Variants in KIF3C observed in about 807,000 individuals in gnomAD.
KIF3C encodes the protein kinesin family member 3C.
Under a neutral mutation model 67.7 loss-of-function variants are expected in KIF3C, and 12 were observed. The observed-to-expected ratio is 0.18, with a 90% CI of 0.11 to 0.29. KIF3C has a LOEUF of 0.29. Among genes scored for constraint, KIF3C ranks in the 10% least tolerant of loss-of-function variants. The pLI is 1.00. For synonymous variants in KIF3C, 393 were observed against 426.2 expected (o/e 0.92, Z 0.96); for missense variants, 789 against 1,059.6 (o/e 0.74, Z 3.55).
At chr2:25,930,484 G>T (rs1003423979) in intron 5 of KIF3C, among the ~76,000 whole-genome samples, 2 of 151,972 alleles carry the variant, frequency 1.3e-5, no homozygotes, top group Admixed American at 6.6e-5. Flanking sequence ...TCAGCCTCCC[G>T]AGTAGCTGGG....
In KIF3C at chr2:25,982,335, CT is replaced by C. The variant is rs1664625600; in HGVS notation, c.-419del. ...TTCCTCTAGGGATCCATAGCGTGGGCTGCCGGTCGTGGGCGGCCGGGGGTCC... is the reference window on the plus strand; with the variant it reads ...TTCCTCTAGGGATCCATAGCGTGGGCGCCGGTCGTGGGCGGCCGGGGGTCC... On this transcript the variant is annotated 5_prime_UTR_variant, in exon 1 of 8. It introduces an in-frame stop codon into an upstream open reading frame of the 5' UTR. Transcript: ENST00000264712. 5.0e-6 allele frequency: 2 copies of C among 399,078 alleles called. No individual in the cohort carries two copies. Among genetic ancestry groups the C allele is most frequent in the Admixed American group, 8.8e-5 (2 of 22,746 alleles). The allele number at this position is 399,078 out of a possible 1,614,324, so 24.7% of individuals were successfully genotyped here. A position where few individuals can be genotyped will look rare whatever the true frequency, so the allele number is the denominator to read the frequency against.
chr2:25,964,433 T>C (rs1465524575), intron 1 of KIF3C, among the ~76,000 whole-genome samples: 1 of 152,208 alleles, frequency 6.6e-6, no homozygotes. Flanking sequence ...TTTCCCAACA[T>C]ACTCTATATT....
At chr2:25,930,531 CTTTAT>C (rs1170416210) in intron 5 of KIF3C, among the ~76,000 whole-genome samples, 9 of 151,668 alleles carry the variant, frequency 5.9e-5, no homozygotes, top group Non-Finnish European at 8.8e-5. Flanking sequence ...GCTAATTTTA[CTTTAT>C]TTTATTTTTT....
intron 1 of KIF3C, among the ~76,000 whole-genome samples, chr2:25,975,398 G>C (rs1253157516): frequency 6.6e-6 from 1 of 152,126 alleles, no homozygotes; most frequent in Non-Finnish European, 1.5e-5. Context: ...CTGGGCTCAA[G>C]GAATCCACCC....
intron 1 of KIF3C, among the ~76,000 whole-genome samples, chr2:25,977,238 G>A (rs1434579206): frequency 2.0e-5 from 3 of 152,150 alleles, no homozygotes; most frequent in Non-Finnish European, 2.9e-5. Context: ...AAAGAGAACA[G>A]GGAGCCTGGG....
At chr2:25,941,894 G>A (rs577121847) in intron 5 of KIF3C, among the ~76,000 whole-genome samples, 1 of 151,756 alleles carries the variant, frequency 6.6e-6, no homozygotes, top group South Asian at 2.1e-4. Context: ...TAAATTAACT[G>A]GGCCTCGTGG....
Position 25,981,818 on chromosome 2 carries a change from T to C in KIF3C, c.100A>G (p.Thr34Ala), listed in dbSNP as rs1228502775. 2.5e-6 allele frequency: 4 copies of C among 1,612,878 alleles called. No individual in the cohort carries two copies. The South Asian group carries it at 3.3e-5, about 13-fold the overall frequency. Residue 34 changes from threonine (T) to alanine (A), a missense_variant, in exon 1 of 8, where the codon ACC (threonine) becomes GCC (alanine). Physicochemically the swap from Thr to Ala is moderately conservative, Grantham distance 58. This residue lies in a region of KIF3C where 141 missense variants were observed against 251.8 expected (regional missense o/e 0.56). Transcript: ENST00000264712. This position sits in a 1 kb window ranked among gnomAD's most constrained non-coding sequence, Gnocchi z 8.2. ...ACCTGGCCCAGTTTCACGTCCATGG[T>C]CAGGATCTGCTCGTGACCAGCAGCC... ...EEAAGHEQIL[T>A]MDVKLGQVTL...
intron 5 of KIF3C, among the ~76,000 whole-genome samples, chr2:25,937,280 T>C (rs945192552): frequency 6.6e-6 from 1 of 152,234 alleles, no homozygotes; most frequent in Non-Finnish European, 1.5e-5. Context: ...CACAGAACAA[T>C]GGCTGCCTTC....
At chr2:25,942,427 TGA>T (rs1394714379) in intron 5 of KIF3C, among the ~76,000 whole-genome samples, 1 of 152,082 alleles carries the variant, frequency 6.6e-6, no homozygotes, top group East Asian at 1.9e-4. Context: ...TTTTTTTTTT[TGA>T]GATGGAGTTT....
chr2:25,941,897 C>T (rs1335953868), intron 5 of KIF3C, among the ~76,000 whole-genome samples: 3 of 151,866 alleles, frequency 2.0e-5, no homozygotes, highest in African/African-American at 7.3e-5. Flanking sequence ...ATTAACTGGG[C>T]CTCGTGGCAT....
chr2:25,938,650 T>C (rs1663205188), intron 5 of KIF3C, among the ~76,000 whole-genome samples: 1 of 152,090 alleles, frequency 6.6e-6, no homozygotes, highest in African/African-American at 2.4e-5. Flanking sequence ...AGTCTGTAAT[T>C]GGGGCACCGA....
chr2:25,946,993 A>C (rs1663458995), intron 5 of KIF3C, among the ~76,000 whole-genome samples: 1 of 151,762 alleles, frequency 6.6e-6, no homozygotes, highest in East Asian at 1.9e-4. Flanking sequence ...CTCTACTAAA[A>C]ATACAAAAAA....
chr2:25,979,265 G>A (rs987117075), intron 1 of KIF3C, among the ~76,000 whole-genome samples: 5 of 152,094 alleles, frequency 3.3e-5, no homozygotes, highest in Non-Finnish European at 7.3e-5. Flanking sequence ...GACAGGGAGG[G>A]GCCTCTGTAG....
At chr2:25,944,925 G>A (rs1272012893) in intron 5 of KIF3C, among the ~76,000 whole-genome samples, 1 of 152,082 alleles carries the variant, frequency 6.6e-6, no homozygotes. Flanking sequence ...GAGGTCAGGA[G>A]TTCAAGATCA....
chr2:25,951,601 C>T, intron 5 of KIF3C, 188 bp downstream of exon 5: 1 of 542,892 alleles, frequency 1.8e-6, no homozygotes, highest in South Asian at 2.2e-5. Flanking sequence ...TCCCAGAACA[C>T]CCTTCCATCA....
intron 1 of KIF3C, among the ~76,000 whole-genome samples, chr2:25,963,674 TTA>T (rs750855161): frequency 3.5e-5 from 5 of 143,188 alleles, no homozygotes; most frequent in African/African-American, 1.3e-4. Flanking sequence ...AGTATTATTA[TTA>T]TTATTATTAT....
At position 25,955,920 on chromosome 2, in the gene KIF3C, G is replaced by A. The variant is rs1014607572; in HGVS notation, c.1648-257C>T. Reference sequence around the variant, plus strand: ...CTAAGAGCTGGCCTACTCCAGAGGCGTTAGTCACACAGATGGAGGCACATC... The same window carrying A: ...CTAAGAGCTGGCCTACTCCAGAGGCATTAGTCACACAGATGGAGGCACATC... On this transcript the variant is annotated intron_variant, in intron 2 of 7. Transcript: ENST00000264712. The surrounding 1 kb of genome is among the most constrained non-coding windows in gnomAD (Gnocchi z 5.0). Among the ~76,000 whole-genome samples the A allele has an allele frequency of 5.9e-5, 9 of 152,150 alleles. No homozygotes were observed. The highest frequency in any genetic ancestry group is 2.6e-4 in the Admixed American group (4 of 15,268).
At chr2:25,943,990 C>CA (rs1663361097) in intron 5 of KIF3C, among the ~76,000 whole-genome samples, 1 of 150,322 alleles carries the variant, frequency 6.7e-6, no homozygotes, top group Admixed American at 6.7e-5. Context: ...TGGACAGTGA[C>CA]AAAAAAATGA....
intron 4 of KIF3C, among the ~76,000 whole-genome samples, chr2:25,952,563 A>ATTT (rs371570181): frequency 1.4e-4 from 15 of 103,716 alleles, no homozygotes; most frequent in African/African-American, 5.8e-4. Context: ...ATATATATAT[A>ATTT]TTTTTTTTTT....
Sources: allele counts gnomAD v4.1 joint callset (sites outside exome capture counted in the v4.1 genomes callset), GRCh38; gene constraint gnomAD v4.1.1; regional missense constraint gnomAD v4.1.1; non-coding constraint Gnocchi (gnomAD v3.1); transcripts MANE v1.5; gene names NCBI Gene and HGNC (gene_info 2026-07-23, HGNC 2026-07-21).